KYAT1: variants seen among roughly 807,000 people sequenced by gnomAD.
KYAT1 encodes kynurenine aminotransferase 1, also known as kynurenine--oxoglutarate transaminase 1.
KYAT1 carries 47 observed loss-of-function variants against 52.4 expected under a neutral mutation model. The observed-to-expected ratio is 0.90, with a 90% CI of 0.71 to 1.14. The LOEUF is 1.14. Among genes scored for constraint, KYAT1 ranks in the 50% most tolerant of loss-of-function variants. The pLI, the probability that KYAT1 is intolerant of heterozygous loss-of-function variation, is 0.00. For missense variants in KYAT1, 480 were observed against 557.9 expected (o/e 0.86, Z 1.41); for synonymous variants, 212 against 209.6 (o/e 1.01, Z -0.10).
At chr9:128,874,218 T>C (rs1428021109) in intron 1 of KYAT1, among the ~76,000 whole-genome samples, 1 of 148,646 alleles carries the variant, frequency 6.7e-6, no homozygotes, top group East Asian at 2.1e-4. Context: ...ATCACGCCAC[T>C]GCGCTCCAGC....
intron 1 of KYAT1, among the ~76,000 whole-genome samples, chr9:128,857,815 G>A (rs760908561): frequency 3.1e-4 from 47 of 151,930 alleles, no homozygotes; most frequent in East Asian, 9.7e-4. Flanking sequence ...CAGCCTGGGC[G>A]ACACAGCGAG....
chr9:128,859,983 A>G (rs1835229979), intron 1 of KYAT1: 2 of 152,060 alleles, frequency 1.3e-5, no homozygotes, highest in African/African-American at 2.4e-5. Flanking sequence ...CTGAGAGACT[A>G]TTTGCAAGAG....
At chr9:128,841,731 C>G (rs1365535103) in intron 3 of KYAT1, among the ~76,000 whole-genome samples, 1 of 147,694 alleles carries the variant, frequency 6.8e-6, no homozygotes, top group Non-Finnish European at 1.5e-5. Context: ...GGTTCAGTGG[C>G]TCACGCCTGT....
intron 5 of KYAT1, 98 bp from the exon 6 acceptor site, chr9:128,837,911 C>A (rs1831415881): frequency 2.0e-6 from 3 of 1,491,870 alleles, no homozygotes; most frequent in African/African-American, 2.7e-5. Context: ...GGGATCCCAA[C>A]ACACACACCT....
rs150277994 is a variant in KYAT1 at position 128,877,556 on chromosome 9, C to T, written c.-7+4341G>A. ...TCCAAATTCTGTCCCGTGAAATCTC[C>T]TCTCAGGCGGGTGCTAGGGCTGACA... On this transcript the variant is annotated intron_variant, in intron 1 of 12. Coordinates refer to ENST00000302586, the MANE Select transcript of KYAT1 (RefSeq NM_004059.5). Among the ~76,000 whole-genome samples, 693 of 152,282 alleles carry T rather than the reference C, an allele frequency of 4.6e-3. 3 individuals are homozygous for T. The highest frequency in any genetic ancestry group is 0.015 in the African/African-American group (618 of 41,556).
chr9:128,873,031 G>A (rs1206980084), intron 1 of KYAT1, among the ~76,000 whole-genome samples: 3 of 138,710 alleles, frequency 2.2e-5, no homozygotes, highest in African/African-American at 5.5e-5. Context: ...AGCCAGGATC[G>A]CACTACTGCA....
At position 128,875,724 on chromosome 9, in the gene KYAT1, A is replaced by G. The variant is rs1484098192; in HGVS notation, c.-7+6173T>C. Among the ~76,000 whole-genome samples, 4 of 152,104 alleles carry G rather than the reference A, an allele frequency of 2.6e-5. No homozygotes were observed. The East Asian group carries it at 7.7e-4, about 29-fold the overall frequency. On this transcript the variant is annotated intron_variant, in intron 1 of 12. Transcript: ENST00000302586. ...CAGCACCACTAGGCATGGGGACCAT[A>G]GCTGTGCCGAGGACCCTTCTGGGGT...
At chr9:128,840,864 A>G (rs1832033818) in intron 3 of KYAT1, among the ~76,000 whole-genome samples, 1 of 152,200 alleles carries the variant, frequency 6.6e-6, no homozygotes, top group East Asian at 1.9e-4. Flanking sequence ...ATATCCACCT[A>G]TTGTATTTAT....
rs1836013288 is a variant in KYAT1, at chr9:128,865,029, C to T, written c.-7+16868G>A. Among the ~76,000 whole-genome samples the T allele has an allele frequency of 3.3e-5, 5 of 151,160 alleles. No individual in the cohort carries two copies. In the South Asian group the frequency reaches 1.0e-3, roughly 31 times the overall value. On this transcript the variant is annotated intron_variant, in intron 1 of 12. Coordinates refer to ENST00000302586, the MANE Select transcript of KYAT1 (RefSeq NM_004059.5). ...ATCCCTTGAGCCCAGGAGTTCGAGA[C>T]CAGCCTGGGCAACGTAGTGAGACTC... is the stretch of plus-strand genomic sequence containing the variant.
intron 2 of KYAT1, among the ~76,000 whole-genome samples, chr9:128,844,480 A>T (rs1433337778): frequency 6.6e-6 from 1 of 151,458 alleles, no homozygotes; most frequent in Non-Finnish European, 1.5e-5. Flanking sequence ...GGAGTTCGAG[A>T]CCAGCCTGGC....
At chr9:128,835,712 A>G in intron 9 of KYAT1, 45 bp from the exon 10 acceptor site, 1 of 1,605,488 alleles carries the variant, frequency 6.2e-7, no homozygotes. Flanking sequence ...CTGTTCCCTG[A>G]CGCGGGGGCC....
chr9:128,859,640 C>T (rs1159711168), intron 1 of KYAT1, among the ~76,000 whole-genome samples: 2 of 151,386 alleles, frequency 1.3e-5, no homozygotes, highest in East Asian at 4.0e-4. Flanking sequence ...GGTGAGCCAC[C>T]TTGCCCAGCC....
intron 1 of KYAT1, among the ~76,000 whole-genome samples, chr9:128,862,870 G>A (rs1835650636): frequency 2.0e-5 from 3 of 152,080 alleles, no homozygotes; most frequent in Admixed American, 2.0e-4. Context: ...TATCACCCAG[G>A]ATGGAGTGCA....
At chr9:128,867,839 C>T (rs1379167086) in intron 1 of KYAT1, among the ~76,000 whole-genome samples, 2 of 152,248 alleles carry the variant, frequency 1.3e-5, no homozygotes, top group Non-Finnish European at 2.9e-5. Context: ...GTGGCGCGAT[C>T]TTGGCTCACT....
rs1363659523 is a variant in KYAT1 at position 128,838,303 on chromosome 9, T to C, written c.266A>G (p.Asp89Gly). The change falls in exon 4 of 13, where the codon GAC becomes GGC. Residue 89 changes from aspartate (D) to glycine (G), a missense_variant. Transcript: ENST00000302586. ...FFGELLGQEIDPLRNVLVTVG... is the reference protein window; with the variant it reads ...FFGELLGQEIGPLRNVLVTVG... ...AGTCACCAGCACATTCCTGAGCGGGTCTATCTCCTGACCCAGCAGCTCCCC... is the reference window on the plus strand; with the variant it reads ...AGTCACCAGCACATTCCTGAGCGGGCCTATCTCCTGACCCAGCAGCTCCCC... The C allele has an allele frequency of 1.2e-6, 2 of 1,613,888 alleles. No homozygotes were observed. The highest frequency in any genetic ancestry group is 2.7e-5 in the African/African-American group (2 of 74,840).
At chr9:128,850,461 C>T (rs1289028538) in intron 1 of KYAT1, among the ~76,000 whole-genome samples, 1 of 152,036 alleles carries the variant, frequency 6.6e-6, no homozygotes, top group Non-Finnish European at 1.5e-5. Context: ...GCCTTGTTAA[C>T]AAAATGTTTA....
intron 1 of KYAT1, among the ~76,000 whole-genome samples, chr9:128,880,693 C>T (rs2130882169): frequency 6.6e-6 from 1 of 152,256 alleles, no homozygotes; most frequent in East Asian, 1.9e-4. Context: ...CCGCCCGCCT[C>T]AGCCTCCCAA....
intron 1 of KYAT1, among the ~76,000 whole-genome samples, chr9:128,877,222 G>T (rs1026322672): frequency 1.3e-5 from 2 of 151,874 alleles, no homozygotes; most frequent in African/African-American, 4.8e-5. Context: ...AATAAATGTT[G>T]CCCATCTTCA....
intron 1 of KYAT1, among the ~76,000 whole-genome samples, chr9:128,861,805 G>T (rs1340093477): frequency 6.6e-6 from 1 of 152,224 alleles, no homozygotes; most frequent in Non-Finnish European, 1.5e-5. Context: ...GCTGGTCATG[G>T]GAGGCACTCT....
Sources: allele counts gnomAD v4.1 joint callset (sites outside exome capture counted in the v4.1 genomes callset), GRCh38; gene constraint gnomAD v4.1.1; transcripts MANE v1.5; gene names NCBI Gene and HGNC (gene_info 2026-07-23, HGNC 2026-07-21).